Variants in HDAC4 observed in about 807,000 individuals in gnomAD.
HDAC4 encodes histone deacetylase A.
In HDAC4, 16 loss-of-function variants were observed where a neutral mutation model predicts 135.1. The observed-to-expected ratio is 0.12, with a 90% CI of 0.08 to 0.18. HDAC4 has a LOEUF of 0.18. Among genes scored for constraint, HDAC4 ranks in the 10% least tolerant of loss-of-function variants. The probability of loss-of-function intolerance (pLI) is 1.00; values close to 1 mark genes in which losing one functional copy is unlikely to be tolerated. For missense variants in HDAC4, 1,143 were observed against 1,511.8 expected, an observed-to-expected ratio of 0.76 and a Z score of 4.05; for synonymous variants, 685 against 653.4, an observed-to-expected ratio of 1.05 and a Z score of -0.74.
rs1049693943 is a variant in HDAC4, at chr2:239,285,310, C to T, written c.23-48646G>A. ...CCTGCTGGGAGTGGAGAACGCGCCG[C>T]GGCTGGGCCCCCAAGTTCGCGGCTG... On this transcript the variant is annotated intron_variant, in intron 2 of 26. Coordinates refer to ENST00000543185, the MANE Select transcript of HDAC4 (RefSeq NM_001378414.1). This position sits in a 1 kb window ranked among gnomAD's most constrained non-coding sequence, Gnocchi z 4.5. 7.9e-5 allele frequency among the ~76,000 whole-genome samples: 12 copies of T among 152,342 alleles called. No individual in the cohort carries two copies. The highest frequency in any genetic ancestry group is 2.1e-4 in the South Asian group (1 of 4,826).
rs916078086 is a variant in HDAC4 at position 239,331,097 on chromosome 2, G to A, written c.22+21581C>T. ...GAATACAGCCCAGAGGACATACTGA[G>A]AGAGCGGCCAAGTGAAGCTCTCAGC... On this transcript the variant is annotated intron_variant, in intron 2 of 26. Coordinates refer to ENST00000543185, the MANE Select transcript of HDAC4 (RefSeq NM_001378414.1). This position sits in a 1 kb window ranked among gnomAD's most constrained non-coding sequence, Gnocchi z 4.5. Among the ~76,000 whole-genome samples the A allele has an allele frequency of 1.3e-5, 2 of 152,236 alleles. No individual in the cohort carries two copies. The highest frequency in any genetic ancestry group is 2.9e-5 in the Non-Finnish European group (2 of 68,044).
Position 239,303,050 on chromosome 2 carries a change from C to CG in HDAC4, c.22+49627dup. On this transcript the variant is annotated intron_variant, in intron 2 of 26. Coordinates refer to ENST00000543185, the MANE Select transcript of HDAC4 (RefSeq NM_001378414.1). This position sits in a 1 kb window ranked among gnomAD's most constrained non-coding sequence, Gnocchi z 5.1. ...ACCTCGGGAGTCCTCAAACCCCCCCCGGGTGGGAGAGGTCATCACCTCCGC... is the reference window on the plus strand; with the variant it reads ...ACCTCGGGAGTCCTCAAACCCCCCCCGGGGTGGGAGAGGTCATCACCTCCGC... 6.6e-6 allele frequency among the ~76,000 whole-genome samples: 1 copy of CG among 152,308 alleles called. No homozygotes were observed. The highest frequency in any genetic ancestry group is 1.9e-4 in the East Asian group (1 of 5,164).
At chr2:239,132,285 T>C (rs972755676) in intron 11 of HDAC4, among the ~76,000 whole-genome samples, 1 of 152,096 alleles carries the variant, frequency 6.6e-6, no homozygotes, top group African/African-American at 2.4e-5. Context: ...CCCAGGGTCA[T>C]GGAGCAGGAG....
At chr2:239,077,534 G>T (rs918849349) in intron 22 of HDAC4, among the ~76,000 whole-genome samples, 3 of 152,270 alleles carry the variant, frequency 2.0e-5, no homozygotes, top group Non-Finnish European at 4.4e-5. Context: ...AGCTCTCTCA[G>T]CTCTGAGGCT....
In HDAC4 at chr2:239,052,032, C is replaced by T. The variant is rs1306848533; in HGVS notation, c.*1065G>A. ...TGCTTTTAATAAAAAGCATTCCGAT[C>T]GTAACACTGCAAGTGTGCCTACCAC... On this transcript the variant is annotated 3_prime_UTR_variant, in exon 27 of 27. Coordinates refer to ENST00000543185, the MANE Select transcript of HDAC4 (RefSeq NM_001378414.1). 2 of 152,530 alleles carry T rather than the reference C, an allele frequency of 1.3e-5. No homozygotes were observed. The highest frequency in any genetic ancestry group is 2.4e-5 in the African/African-American group (1 of 41,410). 9.4% of individuals were successfully genotyped at this position (152,530 alleles called of 1,614,324 possible).
chr2:239,124,025 G>A (rs927987467), intron 12 of HDAC4, among the ~76,000 whole-genome samples: 1 of 151,712 alleles, frequency 6.6e-6, no homozygotes, highest in Admixed American at 6.6e-5. Context: ...GAGTGAGGGG[G>A]GCACTTTCAC....
At chr2:239,205,360 G>A (rs2045982649) in intron 3 of HDAC4, among the ~76,000 whole-genome samples, 1 of 152,056 alleles carries the variant, frequency 6.6e-6, no homozygotes, top group Admixed American at 6.6e-5. Flanking sequence ...CCCGCAATAT[G>A]GGCAACGTTA....
chr2:239,119,586 C>T (rs558855571), intron 12 of HDAC4, among the ~76,000 whole-genome samples: 21 of 150,040 alleles, frequency 1.4e-4, no homozygotes, highest in African/African-American at 3.7e-4. Context: ...CTAAGGGGAA[C>T]GGAGCTCAGG....
intron 2 of HDAC4, among the ~76,000 whole-genome samples, chr2:239,334,856 T>C (rs545632922): frequency 2.0e-5 from 3 of 151,920 alleles, no homozygotes; most frequent in Admixed American, 6.6e-5. Flanking sequence ...CACCCCCCTC[T>C]ACTAAAAAAT....
intron 7 of HDAC4, among the ~76,000 whole-genome samples, chr2:239,147,035 C>T (rs542818476): frequency 2.5e-4 from 38 of 152,332 alleles, no homozygotes; most frequent in African/African-American, 8.4e-4. Context: ...TGGGGCCCTC[C>T]GCTCGTCCCT....
At chr2:239,135,913 A>C (rs2040922331) in intron 9 of HDAC4, among the ~76,000 whole-genome samples, 1 of 152,240 alleles carries the variant, frequency 6.6e-6, no homozygotes, top group South Asian at 2.1e-4. Flanking sequence ...GCTTGGATAA[A>C]GCAAACACAA....
intron 2 of HDAC4, among the ~76,000 whole-genome samples, chr2:239,327,029 G>A (rs1021386555): frequency 2.0e-5 from 3 of 152,200 alleles, no homozygotes; most frequent in African/African-American, 4.8e-5. Flanking sequence ...ACTCACTGGC[G>A]GTGCACCTGT....
intron 1 of HDAC4, among the ~76,000 whole-genome samples, chr2:239,386,515 C>T (rs1053297688): frequency 3.3e-5 from 5 of 152,266 alleles, no homozygotes; most frequent in Middle Eastern, 6.8e-3. Context: ...TGCGAGGCCT[C>T]TGGAGCCCAC....
intron 2 of HDAC4, among the ~76,000 whole-genome samples, chr2:239,268,875 C>T (rs140589367): frequency 6.6e-6 from 1 of 152,160 alleles, no homozygotes; most frequent in Non-Finnish European, 1.5e-5. Context: ...AGGCTCCCTA[C>T]CCCCACAAAA....
intron 4 of HDAC4, among the ~76,000 whole-genome samples, chr2:239,179,016 T>G (rs866964730): frequency 1.5e-5 from 1 of 67,132 alleles, no homozygotes; most frequent in Middle Eastern, 0.01. Context: ...GTGGGGTGTG[T>G]GTGCGAGGCA....
chr2:239,346,812 AAAAC>A (rs1692722338), intron 2 of HDAC4, among the ~76,000 whole-genome samples: 2 of 137,948 alleles, frequency 1.4e-5, no homozygotes, highest in African/African-American at 5.3e-5. Flanking sequence ...CACCCTGTCT[AAAAC>A]ACACACACAC....
chr2:239,222,453 T>C (rs747713980), intron 3 of HDAC4, among the ~76,000 whole-genome samples: 1 of 150,242 alleles, frequency 6.7e-6, no homozygotes, highest in Admixed American at 6.7e-5. Flanking sequence ...AAACCTGGCA[T>C]GCAGTTGGTA....
chr2:239,118,476 G>A (rs2039339198), intron 12 of HDAC4, among the ~76,000 whole-genome samples: 1 of 152,192 alleles, frequency 6.6e-6, no homozygotes, highest in Admixed American at 6.5e-5. Flanking sequence ...AGGGAGGAGA[G>A]TGCAGCGGTG....
At chr2:239,057,288 C>T (rs541778401) in intron 24 of HDAC4, among the ~76,000 whole-genome samples, 272 of 152,192 alleles carry the variant, frequency 1.8e-3, no homozygotes, top group Non-Finnish European at 3.0e-3. Flanking sequence ...CCTTAAAGAT[C>T]GCAGTTACTG....
Sources: gnomAD v4.1 joint callset for allele counts (sites outside exome capture counted in the v4.1 genomes callset) on GRCh38, gnomAD v4.1.1 for gene constraint, Gnocchi (gnomAD v3.1) non-coding constraint, MANE v1.5 for transcripts, NCBI Gene and HGNC (gene_info 2026-07-23, HGNC 2026-07-21) for gene names.